The following WWOX variants were observed in gnomAD, a reference collection of about 807,000 sequenced individuals.
WWOX encodes the protein WW domain containing oxidoreductase.
A neutral mutation model predicts 46.2 loss-of-function variants in WWOX; 69 were observed. That is an observed-to-expected ratio of 1.49 (90% confidence interval 1.23 to 1.82). The LOEUF (loss-of-function observed/expected upper bound fraction) is 1.82, where lower values mean the gene tolerates loss of function less well. WWOX is among the 40% of genes most tolerant of loss of function. The pLI is 0.00. For missense variants in WWOX, 919 were observed against 542.6 expected, an observed-to-expected ratio of 1.69 and a Z score of -6.89; for synonymous variants, 359 against 202.6, an observed-to-expected ratio of 1.77 and a Z score of -6.56.
intron 8 of WWOX, among the ~76,000 whole-genome samples, chr16:78,974,848 C>T (rs1416352265): frequency 6.6e-6 from 1 of 152,158 alleles, no homozygotes; most frequent in Admixed American, 6.5e-5. Flanking sequence ...CAATTTATTA[C>T]CCCAGCTTCC....
chr16:78,909,327 G>C (rs2045048354), intron 8 of WWOX, among the ~76,000 whole-genome samples: 1 of 152,198 alleles, frequency 6.6e-6, no homozygotes, highest in African/African-American at 2.4e-5. Flanking sequence ...TTAGAATCCA[G>C]ATCCGCTTTG....
intron 8 of WWOX, among the ~76,000 whole-genome samples, chr16:79,062,784 G>A (rs1288245628): frequency 1.3e-5 from 2 of 152,120 alleles, no homozygotes; most frequent in Non-Finnish European, 2.9e-5. Context: ...CCTTCTTTGT[G>A]CATTCTGGGT....
chr16:78,856,861 G>C (rs1246309613), intron 8 of WWOX, among the ~76,000 whole-genome samples: 3 of 152,100 alleles, frequency 2.0e-5, no homozygotes, highest in African/African-American at 4.8e-5. Flanking sequence ...TTTTGTCATT[G>C]TGCCACCATC....
At chr16:78,571,840 T>G (rs1030534793) in intron 8 of WWOX, among the ~76,000 whole-genome samples, 1 of 152,112 alleles carries the variant, frequency 6.6e-6, no homozygotes, top group African/African-American at 2.4e-5. Flanking sequence ...TACTCTAGCC[T>G]GGGCAACAGA....
intron 8 of WWOX, among the ~76,000 whole-genome samples, chr16:79,169,859 G>C (rs970154346): frequency 4.6e-5 from 7 of 152,250 alleles, no homozygotes; most frequent in African/African-American, 1.7e-4. Flanking sequence ...TGTATTGCAG[G>C]GAAGTTCTTA....
chr16:78,720,268 C>A (rs2048658608), intron 8 of WWOX, among the ~76,000 whole-genome samples: 1 of 150,460 alleles, frequency 6.6e-6, no homozygotes, highest in African/African-American at 2.5e-5. Flanking sequence ...GTGTGTGAAA[C>A]AAGGGAATCT....
At position 78,607,880 on chromosome 16, in the gene WWOX, G is replaced by T. The variant is rs79812195; in HGVS notation, c.1056+175128G>T. ...TACCTGCAGGGCTTAGGGTACAAGA[G>T]CTTGTCGGGGACCTGCACACATGTT... On this transcript the variant is annotated intron_variant, in intron 8 of 8. Coordinates refer to ENST00000566780, the MANE Select transcript of WWOX (RefSeq NM_016373.4). 9.8e-3 allele frequency among the ~76,000 whole-genome samples: 1,485 copies of T among 152,232 alleles called. 26 individuals are homozygous for T. The highest frequency in any genetic ancestry group is 0.034 in the African/African-American group (1,430 of 41,542).
At chr16:78,429,117 C>G (rs1480004977) in intron 7 of WWOX, among the ~76,000 whole-genome samples, 2 of 152,138 alleles carry the variant, frequency 1.3e-5, no homozygotes, top group Non-Finnish European at 2.9e-5. Flanking sequence ...CTGTAGTAAG[C>G]AACACTCAAG....
At chr16:78,930,666 A>C (rs1597166100) in intron 8 of WWOX, among the ~76,000 whole-genome samples, 1 of 151,346 alleles carries the variant, frequency 6.6e-6, no homozygotes, top group South Asian at 2.1e-4. Context: ...TGTTAATTGC[A>C]GTTAATCCTA....
At chr16:79,186,974 A>T (rs577299960) in intron 8 of WWOX, among the ~76,000 whole-genome samples, 1 of 152,340 alleles carries the variant, frequency 6.6e-6, no homozygotes, top group Admixed American at 6.5e-5. Flanking sequence ...TCATAATATG[A>T]AGAATTTCAA....
chr16:78,359,888 G>T (rs1423659696), intron 5 of WWOX, among the ~76,000 whole-genome samples: 3 of 152,308 alleles, frequency 2.0e-5, no homozygotes, highest in East Asian at 3.9e-4. Flanking sequence ...CATGAGGAAT[G>T]AATTTTGTGA....
intron 8 of WWOX, among the ~76,000 whole-genome samples, chr16:79,126,440 G>A (rs1460222682): frequency 6.6e-6 from 1 of 152,152 alleles, no homozygotes; most frequent in Non-Finnish European, 1.5e-5. Context: ...TCTCATGCTA[G>A]TGAGTGAGTT....
intron 8 of WWOX, among the ~76,000 whole-genome samples, chr16:79,163,565 G>A (rs1389080969): frequency 1.3e-5 from 2 of 152,140 alleles, no homozygotes; most frequent in Non-Finnish European, 2.9e-5. Flanking sequence ...TTGGGAGGCC[G>A]AAGGGGGTGG....
chr16:78,613,208 T>A (rs2045940942), intron 8 of WWOX, among the ~76,000 whole-genome samples: 1 of 152,118 alleles, frequency 6.6e-6, no homozygotes, highest in African/African-American at 2.4e-5. Flanking sequence ...CACATGAACG[T>A]CTATGCCCAG....
chr16:79,153,052 C>G (rs765071114), intron 8 of WWOX, among the ~76,000 whole-genome samples: 56 of 152,244 alleles, frequency 3.7e-4, no homozygotes, highest in Non-Finnish European at 5.9e-4. Flanking sequence ...GCAGAGCGAG[C>G]GGAGGCCTGG....
At chr16:79,154,244 C>G (rs896895126) in intron 8 of WWOX, among the ~76,000 whole-genome samples, 4 of 152,192 alleles carry the variant, frequency 2.6e-5, no homozygotes, top group Non-Finnish European at 5.9e-5. Context: ...GTGTAAGTGT[C>G]CTCTGCCCTG....
intron 8 of WWOX, among the ~76,000 whole-genome samples, chr16:78,640,905 C>G (rs1422032099): frequency 6.8e-6 from 1 of 146,664 alleles, no homozygotes; most frequent in Non-Finnish European, 1.5e-5. Flanking sequence ...TGCCACTGCA[C>G]TCCAGTCTGG....
chr16:78,193,406 C>A (rs1345150710), intron 5 of WWOX, among the ~76,000 whole-genome samples: 1 of 152,032 alleles, frequency 6.6e-6, no homozygotes, highest in African/African-American at 2.4e-5. Flanking sequence ...TTGAAAATTT[C>A]AAAAGGGAAA....
At position 78,424,964 on chromosome 16, in the gene WWOX, C is replaced by T. The variant is rs747021033; in HGVS notation, c.700C>T (p.Leu234=). The part of the protein sequence containing the change: ...GLETTFQVNH[L]GHFYLVQLLQ... The stretch of plus-strand genomic sequence containing the variant: ...GGAGACCACCTTTCAAGTGAATCAT[C>T]TGGGGCACTTCTACCTTGTCCAGCT... The change falls in exon 7 of 9, where the codon CTG becomes TTG. Residue 234 remains leucine, a synonymous_variant. Coordinates refer to ENST00000566780, the MANE Select transcript of WWOX (RefSeq NM_016373.4). 3.7e-6 allele frequency: 6 copies of T among 1,614,170 alleles called. No individual in the cohort carries two copies. The Middle Eastern group carries it at 6.6e-4, about 178-fold the overall frequency.
Sources: gnomAD v4.1 joint callset for allele counts (sites outside exome capture counted in the v4.1 genomes callset) on GRCh38, gnomAD v4.1.1 for gene constraint, MANE v1.5 for transcripts, NCBI Gene and HGNC (gene_info 2026-07-23, HGNC 2026-07-21) for gene names.